The following MAN1B1 variants were observed in gnomAD, a reference collection of about 807,000 sequenced individuals.
The protein encoded by MAN1B1 is endoplasmic reticulum mannosyl-oligosaccharide 1,2-alpha-mannosidase.
In MAN1B1, 66 loss-of-function variants were observed where a neutral mutation model predicts 75.5. That is an observed-to-expected ratio of 0.87 (90% CI 0.72 to 1.07). MAN1B1 has a LOEUF of 1.07. MAN1B1 is among the 50% of genes least tolerant of loss of function. The pLI, the probability that MAN1B1 is intolerant of heterozygous loss-of-function variation, is 0.00. For missense variants in MAN1B1, 973 were observed against 912.5 expected (o/e 1.07, Z -0.85); for synonymous variants, 453 against 382.8 (o/e 1.18, Z -2.14).
rs771944908 is a variant in MAN1B1 at position 137,088,290 on chromosome 9, C to T, written c.328+107C>T. ...CAGCTCCAGGAGGCATATATGGCAA[C>T]GAATTGGCAAGAAATCAAGATAAAG... On this transcript the variant is annotated intron_variant, in intron 2 of 12. Coordinates refer to ENST00000371589, the MANE Select transcript of MAN1B1 (RefSeq NM_016219.5). 9.3e-6 allele frequency: 15 copies of T among 1,610,620 alleles called. 1 individual carries two copies. Among genetic ancestry groups the T allele is most frequent in the South Asian group, 2.2e-5 (2 of 90,490 alleles).
At chr9:137,096,857 C>A (rs768197802) in intron 4 of MAN1B1, among the ~76,000 whole-genome samples, 28 of 152,226 alleles carry the variant, frequency 1.8e-4, no homozygotes, top group African/African-American at 6.3e-4. Flanking sequence ...GTCTCTGCCT[C>A]GTTTCCGGCT....
At chr9:137,089,520 A>G (rs1357537889) in intron 3 of MAN1B1, among the ~76,000 whole-genome samples, 1 of 152,218 alleles carries the variant, frequency 6.6e-6, no homozygotes, top group Non-Finnish European at 1.5e-5. Flanking sequence ...ACCTTGGCAT[A>G]TGCGGGAAGG....
rs752850520 is a variant in MAN1B1 at position 137,088,183 on chromosome 9, G to T, written c.328G>T (p.Ala110Ser). 6.2e-7 allele frequency: 1 copy of T among 1,614,106 alleles called. No homozygotes were observed. The highest frequency in any genetic ancestry group is 1.7e-5 in the Admixed American group (1 of 60,022). ...CATCAACTTGGCTGACCATTGGAAA[G>T]GTATCAGAAACACGTGTACTTGAAA... is the stretch of plus-strand genomic sequence containing the variant. ...FYINLADHWK[A>S]LAFRLEEEQK... Residue 110 changes from alanine (A) to serine (S), a missense_variant and splice_region_variant, in exon 2 of 13, where the codon GCT becomes TCT. Transcript: ENST00000371589.
intron 9 of MAN1B1, 82 bp from the exon 10 acceptor site, chr9:137,106,607 G>A: frequency 6.3e-7 from 1 of 1,597,912 alleles, no homozygotes; most frequent in Non-Finnish European, 8.5e-7. Flanking sequence ...ACTTGTGTGG[G>A]CCCAGGATGT....
At chr9:137,090,361 CAG>C (rs1253292088) in intron 3 of MAN1B1, among the ~76,000 whole-genome samples, 2 of 152,116 alleles carry the variant, frequency 1.3e-5, no homozygotes, top group Non-Finnish European at 2.9e-5. Context: ...AGGGCTGTGA[CAG>C]GGACAGACAG....
chr9:137,103,796 G>A (rs1008347227), intron 8 of MAN1B1: 17 of 454,598 alleles, frequency 3.7e-5, no homozygotes, highest in African/African-American at 2.2e-4. Flanking sequence ...GCAGGTTGGT[G>A]TTACACACAT....
chr9:137,088,335 T>G (rs750808537), intron 2 of MAN1B1, 152 bp downstream of exon 2: 1 of 1,600,854 alleles, frequency 6.2e-7, no homozygotes, highest in African/African-American at 1.3e-5. Flanking sequence ...GAGCTGTATG[T>G]AACCACCTGG....
intron 8 of MAN1B1, chr9:137,103,102 GTGT>G (rs577478453): frequency 3.6e-4 from 147 of 409,112 alleles, no homozygotes; most frequent in South Asian, 2.2e-3. Flanking sequence ...CAGGTCGGTG[GTGT>G]TACACACATG....
chr9:137,087,170 C>T lies in MAN1B1; in HGVS notation c.171C>T (p.Gly57=), dbSNP rs760119888. 2 of 1,594,550 alleles carry T rather than the reference C, an allele frequency of 1.3e-6. No individual in the cohort carries two copies. The highest frequency in any genetic ancestry group is 8.5e-7 in the Non-Finnish European group (1 of 1,171,604). ...RDFISVTLSF[G]ENYDNSKSWR... ...TCATCTCGGTGACGCTGAGCTTTGGCGAGAACTATGACAACAGCAAGAGTT... is the reference window on the plus strand; with the variant it reads ...TCATCTCGGTGACGCTGAGCTTTGGTGAGAACTATGACAACAGCAAGAGTT... The change falls in exon 1 of 13, where the codon GGC becomes GGT. Residue 57 remains glycine, a synonymous_variant. Coordinates refer to ENST00000371589, the MANE Select transcript of MAN1B1 (RefSeq NM_016219.5).
chr9:137,098,509 C>T (rs2131008524), intron 5 of MAN1B1, among the ~76,000 whole-genome samples: 1 of 152,320 alleles, frequency 6.6e-6, no homozygotes, highest in East Asian at 1.9e-4. Context: ...TCATGCCCCC[C>T]AGGTGTCTCT....
rs1033342779 is a variant in MAN1B1, at chr9:137,101,245, C to T, written c.1065+92C>T. The T allele has an allele frequency of 8.0e-6, 12 of 1,507,644 alleles. No individual in the cohort carries two copies. The African/African-American group carries it at 1.2e-4, about 16-fold the overall frequency. The allele number at this position is 1,507,644 out of a possible 1,614,324, so 93.4% of individuals were successfully genotyped here. ...GACTTGTGGGGACGTGACTGTCTTC[C>T]TGTTTCCTCTTCAAATGCACTGGAG... On this transcript the variant is annotated intron_variant, in intron 7 of 12. Transcript: ENST00000371589.
intron 5 of MAN1B1, among the ~76,000 whole-genome samples, chr9:137,099,301 A>C (rs1830742385): frequency 6.6e-6 from 1 of 152,214 alleles, no homozygotes; most frequent in Non-Finnish European, 1.5e-5. Flanking sequence ...ACACTCACCC[A>C]CGTCTCCACA....
intron 3 of MAN1B1, among the ~76,000 whole-genome samples, chr9:137,095,375 A>ATTT (rs1830625593): frequency 2.7e-5 from 4 of 147,584 alleles, no homozygotes; most frequent in African/African-American, 7.5e-5. Context: ...TCCTTTTTTA[A>ATTT]AAAAAAAAAA....
At position 137,108,932 on chromosome 9, in the gene MAN1B1, G is replaced by A. The variant is rs983549658; in HGVS notation, c.*341G>A. ...TCCCTGGTACTGGGGTGACCGAGTG[G>A]ACAGCCCAGGGTGCAGCTCTGCCCG... On this transcript the variant is annotated 3_prime_UTR_variant, in exon 13 of 13. Transcript: ENST00000371589. 3.2e-5 allele frequency: 16 copies of A among 495,594 alleles called. No individual in the cohort carries two copies. The highest frequency in any genetic ancestry group is 3.0e-4 in the Middle Eastern group (1 of 3,322). The allele number at this position is 495,594 out of a possible 1,614,324, so 30.7% of individuals were successfully genotyped here.
chr9:137,106,206 C>T lies in MAN1B1; in HGVS notation c.1336C>T (p.His446Tyr), dbSNP rs1831094302. The T allele has an allele frequency of 6.2e-7, 1 of 1,611,334 alleles. No homozygotes were observed. Among genetic ancestry groups the T allele is most frequent in the Non-Finnish European group, 8.5e-7 (1 of 1,179,322 alleles). ...GCTGGTGCCCATGTTCATCAATACC[C>T]ACAGTGGCCTCTTCACCCACCTGGG... is the stretch of plus-strand genomic sequence containing the variant. ...DGLVPMFINTHSGLFTHLGVF... is the reference protein window; with the variant it reads ...DGLVPMFINTYSGLFTHLGVF... Residue 446 changes from histidine (H) to tyrosine (Y), a missense_variant, in exon 9 of 13, where the codon CAC becomes TAC. His to Tyr is a moderately conservative substitution (Grantham distance 83). Coordinates refer to ENST00000371589, the MANE Select transcript of MAN1B1 (RefSeq NM_016219.5).
chr9:137,088,856 T>C lies in MAN1B1; in HGVS notation c.329-13T>C. On this transcript the variant is annotated splice_polypyrimidine_tract_variant and intron_variant, in intron 2 of 12. Transcript: ENST00000371589. ...TGTGGCATATTTGAAATAAAATAGC[T>C]TCTGTTATTCAGCTCTGGCTTTCAG... 1 of 1,613,754 alleles carries C rather than the reference T, an allele frequency of 6.2e-7. No homozygotes were observed. The highest frequency in any genetic ancestry group is 8.5e-7 in the Non-Finnish European group (1 of 1,180,016).
intron 5 of MAN1B1, among the ~76,000 whole-genome samples, chr9:137,098,276 T>C (rs532387434): frequency 4.6e-5 from 7 of 152,334 alleles, no homozygotes; most frequent in Middle Eastern, 3.4e-3. Flanking sequence ...GGCCACTTCA[T>C]TCTCAGCACC....
rs146756765 is a variant in MAN1B1, at chr9:137,093,111, T to A, written c.466-3126T>A. ...GTTATTGAAAAGAGATCTCAGGAGGTTGCAGTGGCTCACACCTGTAGTCCC... is the reference window on the plus strand; with the variant it reads ...GTTATTGAAAAGAGATCTCAGGAGGATGCAGTGGCTCACACCTGTAGTCCC... On this transcript the variant is annotated intron_variant, in intron 3 of 12. Coordinates refer to ENST00000371589, the MANE Select transcript of MAN1B1 (RefSeq NM_016219.5). Among the ~76,000 whole-genome samples, 1,364 of 152,144 alleles carry A rather than the reference T, an allele frequency of 9.0e-3. 12 individuals carry two copies. Among genetic ancestry groups the A allele is most frequent in the African/African-American group, 0.023 (965 of 41,516 alleles).
intron 3 of MAN1B1, among the ~76,000 whole-genome samples, chr9:137,095,975 CTG>C (rs574365120): frequency 4.7e-4 from 72 of 152,304 alleles, no homozygotes; most frequent in South Asian, 2.1e-3. Context: ...GCTTTAGGAC[CTG>C]TGAGAGTTTG....
Sources: allele counts gnomAD v4.1 joint callset (sites outside exome capture counted in the v4.1 genomes callset), GRCh38; gene constraint gnomAD v4.1.1; transcripts MANE v1.5; gene names NCBI Gene and HGNC (gene_info 2026-07-23, HGNC 2026-07-21).